The following IRAK3 variants were observed in gnomAD, a reference collection of about 807,000 sequenced individuals.
IRAK3 encodes the protein interleukin-1 receptor-associated kinase 3.
IRAK3 carries 57 observed loss-of-function variants against 56.6 expected under a neutral mutation model. The ratio of observed to expected loss-of-function variants is 1.01; its 90% CI spans 0.81 to 1.26. The LOEUF (loss-of-function observed/expected upper bound fraction) is 1.26. IRAK3 is among the 50% of genes most tolerant of loss of function. The pLI, the probability that IRAK3 is intolerant of heterozygous loss-of-function variation, is 0.00. For missense variants in IRAK3, 703 were observed against 719.0 expected, an observed-to-expected ratio of 0.98 and a Z score of 0.25; for synonymous variants, 258 against 255.7, an observed-to-expected ratio of 1.01 and a Z score of -0.09.
In IRAK3 at chr12:66,189,438, T is replaced by TCGGCGGGGACCGGCCGGGGG. The variant is rs2052377939; in HGVS notation, c.133+15_133+34dup. 8.0e-7 allele frequency: 1 copy of TCGGCGGGGACCGGCCGGGGG among 1,253,330 alleles called. No homozygotes were observed. The highest frequency in any genetic ancestry group is 1.0e-6 in the Non-Finnish European group (1 of 997,142). The allele number at this position is 1,253,330 out of a possible 1,614,324, so 77.6% of individuals were successfully genotyped here. A position where few individuals can be genotyped will look rare whatever the true frequency, so the allele number is the denominator to read the frequency against. On this transcript the variant is annotated splice_region_variant and intron_variant, in intron 1 of 11. Coordinates refer to ENST00000261233, the MANE Select transcript of IRAK3 (RefSeq NM_007199.3). ...GCTGGGCTGGCGCGGCCTGGGTGAGTCGGCGGGGACCGGCCGGGGGCGGCG... is the reference window on the plus strand; with the variant it reads ...GCTGGGCTGGCGCGGCCTGGGTGAGTCGGCGGGGACCGGCCGGGGGCGGCGGGGACCGGCCGGGGGCGGCG...
intron 5 of IRAK3, among the ~76,000 whole-genome samples, chr12:66,213,827 G>A (rs1304915695): frequency 2.0e-5 from 3 of 151,520 alleles, no homozygotes; most frequent in African/African-American, 2.4e-5. Context: ...CCAGAGGAGG[G>A]CTGTGTCTGG....
At chr12:66,238,735 G>A (rs2052933947) in intron 8 of IRAK3, among the ~76,000 whole-genome samples, 1 of 152,192 alleles carries the variant, frequency 6.6e-6, no homozygotes, top group Non-Finnish European at 1.5e-5. Flanking sequence ...AACACCCACA[G>A]GAGAAGCAGT....
At chr12:66,219,531 C>T (rs1428695798) in intron 6 of IRAK3, among the ~76,000 whole-genome samples, 1 of 152,212 alleles carries the variant, frequency 6.6e-6, no homozygotes. Context: ...ATTGCCCAGT[C>T]TCAGGTATGT....
At position 66,236,369 on chromosome 12, in the gene IRAK3, T is replaced by C. The variant is rs151004574; in HGVS notation, c.887+7999T>C. 1.2e-3 allele frequency among the ~76,000 whole-genome samples: 157 copies of C among 131,956 alleles called. 8 individuals are homozygous for C. In the East Asian group the frequency reaches 0.031, roughly 26 times the overall value. The allele number at this position is 131,956 out of a possible 152,430, so 86.6% of individuals were successfully genotyped here. A position where few individuals can be genotyped will look rare whatever the true frequency, so the allele number is the denominator to read the frequency against. On this transcript the variant is annotated intron_variant, in intron 8 of 11. Transcript: ENST00000261233. Reference sequence around the variant, plus strand: ...TTTGAGACCAGCCTGGCCAACATGCTGAAACCCCATCTCCACTAAAAATAC... The same window carrying C: ...TTTGAGACCAGCCTGGCCAACATGCCGAAACCCCATCTCCACTAAAAATAC...
intron 2 of IRAK3, 88 bp from the exon 3 acceptor site, chr12:66,209,368 C>A: frequency 1.3e-6 from 1 of 777,304 alleles, no homozygotes; most frequent in Admixed American, 1.8e-5. Flanking sequence ...CAATGGCTAG[C>A]AAGACATTTA....
intron 8 of IRAK3, among the ~76,000 whole-genome samples, chr12:66,237,798 A>G (rs777646149): frequency 6.6e-6 from 1 of 152,250 alleles, no homozygotes. Flanking sequence ...GATGTTTGCC[A>G]AGAATATGGG....
intron 8 of IRAK3, among the ~76,000 whole-genome samples, chr12:66,237,028 T>A (rs1228722009): frequency 6.6e-6 from 1 of 152,082 alleles, no homozygotes; most frequent in East Asian, 1.9e-4. Flanking sequence ...CTCTCATCAC[T>A]GGTTAAGAGT....
rs899314670 is a variant in IRAK3 at position 66,252,164 on chromosome 12, A to T, written c.*3993A>T. On this transcript the variant is annotated 3_prime_UTR_variant, in exon 12 of 12. Transcript: ENST00000261233. ...AGCTTTGCATGTTTTTTTCTGGTTAACCCTTAGAGTCACCCTGAAGGTGTG... is the reference window on the plus strand; with the variant it reads ...AGCTTTGCATGTTTTTTTCTGGTTATCCCTTAGAGTCACCCTGAAGGTGTG... 1.3e-5 allele frequency: 2 copies of T among 152,128 alleles called. No homozygotes were observed. The highest frequency in any genetic ancestry group is 2.9e-5 in the Non-Finnish European group (2 of 68,028). The allele number at this position is 152,128 out of a possible 1,614,324, so 9.4% of individuals were successfully genotyped here. A position where few individuals can be genotyped will look rare whatever the true frequency, so the allele number is the denominator to read the frequency against.
chr12:66,208,391 G>A (rs185260856), intron 2 of IRAK3, among the ~76,000 whole-genome samples: 42 of 151,998 alleles, frequency 2.8e-4, no homozygotes, highest in Non-Finnish European at 4.9e-4. Context: ...TATGGCACAA[G>A]ATGATATAAA....
chr12:66,226,986 G>A (rs535361147), intron 7 of IRAK3, 149 bp downstream of exon 7: 11 of 676,560 alleles, frequency 1.6e-5, no homozygotes, highest in South Asian at 1.4e-4. Flanking sequence ...GTACTTCTTG[G>A]ATTAATTTCT....
At position 66,244,979 on chromosome 12, in the gene IRAK3, T is replaced by A; in HGVS notation, c.1118T>A (p.Val373Glu). 6.2e-7 allele frequency: 1 copy of A among 1,613,410 alleles called. No individual in the cohort carries two copies. The highest frequency in any genetic ancestry group is 1.3e-5 in the African/African-American group (1 of 74,988). Residue 373 changes from valine to glutamate, a missense_variant, in exon 10 of 12, where the codon GTA (valine) becomes GAA (glutamate). Physicochemically the swap from Val to Glu is moderately radical, Grantham distance 121. Coordinates refer to ENST00000261233, the MANE Select transcript of IRAK3 (RefSeq NM_007199.3). Reference sequence around the variant, plus strand: ...ATGGAAGTTCTAACAGGATGTAGAGTAGTGTTAGATGATCCAAAACATATC... The same window carrying A: ...ATGGAAGTTCTAACAGGATGTAGAGAAGTGTTAGATGATCCAAAACATATC... ...VIMEVLTGCR[V>E]VLDDPKHIQL...
At chr12:66,230,239 C>T (rs1281172308) in intron 8 of IRAK3, among the ~76,000 whole-genome samples, 1 of 152,192 alleles carries the variant, frequency 6.6e-6, no homozygotes, top group East Asian at 1.9e-4. Context: ...TCCACTTTCT[C>T]ACTGTTGGTT....
At chr12:66,195,477 C>A in intron 1 of IRAK3, among the ~76,000 whole-genome samples, 1 of 152,174 alleles carries the variant, frequency 6.6e-6, no homozygotes, top group East Asian at 1.9e-4. Context: ...TCAGAGCAAA[C>A]CCTGAAGTCC....
intron 6 of IRAK3, among the ~76,000 whole-genome samples, chr12:66,222,429 ATT>A (rs2052743405): frequency 6.6e-6 from 1 of 151,676 alleles, no homozygotes; most frequent in African/African-American, 2.4e-5. Flanking sequence ...GAATCCATCT[ATT>A]TCTTTTAAGT....
chr12:66,215,811 C>G (rs2052669551), intron 5 of IRAK3, among the ~76,000 whole-genome samples: 1 of 152,056 alleles, frequency 6.6e-6, no homozygotes, highest in Non-Finnish European at 1.5e-5. Flanking sequence ...CACACACACA[C>G]ACACACACAC....
At chr12:66,233,244 C>G (rs563275964) in intron 8 of IRAK3, among the ~76,000 whole-genome samples, 16 of 152,112 alleles carry the variant, frequency 1.1e-4, no homozygotes, top group African/African-American at 3.9e-4. Flanking sequence ...ACAGGCCGGG[C>G]GCGGTGGCTC....
chr12:66,248,004 A>G lies in IRAK3; in HGVS notation c.1624A>G (p.Ser542Gly). The change falls in exon 12 of 12, where the codon AGT becomes GGT. Residue 542 changes from serine to glycine, a missense_variant. Transcript: ENST00000261233. ...CATGCCCAGTTCTTCTTGTGAAGAA[A>G]GTTGGTTCCCAAAGTATATAGTTCC... ...CNMPSSSCEE[S>G]WFPKYIVPSQ... 1 of 1,601,546 alleles carries G rather than the reference A, an allele frequency of 6.2e-7. No homozygotes were observed. The highest frequency in any genetic ancestry group is 8.5e-7 in the Non-Finnish European group (1 of 1,174,888).
chr12:66,211,030 G>A (rs936635244), intron 4 of IRAK3, among the ~76,000 whole-genome samples: 11 of 152,194 alleles, frequency 7.2e-5, no homozygotes, highest in African/African-American at 2.7e-4. Flanking sequence ...TGGCACATGA[G>A]AAGTGTTTCT....
At chr12:66,242,552 G>T (rs1422010933) in intron 8 of IRAK3, among the ~76,000 whole-genome samples, 2 of 152,320 alleles carry the variant, frequency 1.3e-5, no homozygotes, top group Admixed American at 1.3e-4. Flanking sequence ...GCAGCTGCTG[G>T]GTTCTCCAGG....
Sources: gnomAD v4.1 joint callset for allele counts (sites outside exome capture counted in the v4.1 genomes callset) on GRCh38, gnomAD v4.1.1 for gene constraint, MANE v1.5 for transcripts, NCBI Gene and HGNC (gene_info 2026-07-23, HGNC 2026-07-21) for gene names.